The following ARID3A variants were observed in gnomAD, a reference collection of about 807,000 sequenced individuals.
ARID3A encodes AT-rich interaction domain 3A, also known as AT-rich interactive domain-containing protein 3A.
Under a neutral mutation model 52.7 loss-of-function variants are expected in ARID3A, and 11 were observed. That is an observed-to-expected ratio of 0.21 (90% CI 0.13 to 0.35). The LOEUF is 0.35. ARID3A is among the 10% of genes least tolerant of loss of function. The pLI is 1.00. For missense variants in ARID3A, 721 were observed against 838.5 expected, an observed-to-expected ratio of 0.86 and a Z score of 1.73; for synonymous variants, 404 against 359.4, an observed-to-expected ratio of 1.12 and a Z score of -1.40.
intron 1 of ARID3A, among the ~76,000 whole-genome samples, chr19:927,168 C>G (rs1235120253): frequency 6.6e-6 from 1 of 152,128 alleles, no homozygotes; most frequent in Non-Finnish European, 1.5e-5. Flanking sequence ...TGACCTCTCT[C>G]CGGAGGCCTG....
chr19:927,722 A>C (rs983731871), intron 1 of ARID3A, among the ~76,000 whole-genome samples: 25 of 150,950 alleles, frequency 1.7e-4, no homozygotes, highest in Non-Finnish European at 2.4e-4. Context: ...CAGCCTGGGG[A>C]TGGGGGGCTG....
rs573350921 is a variant in ARID3A at position 941,618 on chromosome 19, A to C, written c.693+8876A>C. ...TGGGGTGATGATCTCCTGTGTGTGC[A>C]TTTTTTTAACTATAAAGATGGGGTC... On this transcript the variant is annotated intron_variant, in intron 3 of 8. Transcript: ENST00000263620. This position sits in a 1 kb window ranked among gnomAD's most constrained non-coding sequence, Gnocchi z 6.9. Among the ~76,000 whole-genome samples the C allele has an allele frequency of 2.0e-5, 3 of 151,944 alleles. No individual in the cohort carries two copies. Among genetic ancestry groups the C allele is most frequent in the South Asian group, 2.1e-4 (1 of 4,794 alleles).
chr19:949,000 A>C (rs2037746426), intron 3 of ARID3A, among the ~76,000 whole-genome samples: 2 of 151,938 alleles, frequency 1.3e-5, no homozygotes, highest in African/African-American at 4.8e-5. Flanking sequence ...TACAGGCATG[A>C]GCCACCGCGC....
chr19:972,520 C>A lies in ARID3A; in HGVS notation c.*455C>A. ...GTTTTCATTTTTGTCTGCTTTAGTT[C>A]TCTTTTATTTTCTATTCACCACACA... On this transcript the variant is annotated 3_prime_UTR_variant, in exon 9 of 9. Coordinates refer to ENST00000263620, the MANE Select transcript of ARID3A (RefSeq NM_005224.3). The A allele has an allele frequency of 4.6e-6, 1 of 216,812 alleles. No individual in the cohort carries two copies. Among genetic ancestry groups the A allele is most frequent in the Non-Finnish European group, 9.3e-6 (1 of 107,532 alleles). 13.4% of individuals were successfully genotyped at this position (216,812 alleles called of 1,614,324 possible).
intron 7 of ARID3A, among the ~76,000 whole-genome samples, chr19:967,602 A>C (rs185571467): frequency 6.6e-6 from 1 of 152,162 alleles, no homozygotes; most frequent in Non-Finnish European, 1.5e-5. Flanking sequence ...GGACAAATAC[A>C]CTTATTCAAC....
Position 964,923 on chromosome 19 carries a change from G to C in ARID3A, c.1041G>C (p.Arg347=), listed in dbSNP as rs916883182. 12 of 1,613,978 alleles carry C rather than the reference G, an allele frequency of 7.4e-6. No individual in the cohort carries two copies. The highest frequency in any genetic ancestry group is 9.3e-6 in the Non-Finnish European group (11 of 1,180,026). Residue 347 remains arginine (R), a synonymous_variant, in exon 6 of 9, where the codon CGG becomes CGC. Coordinates refer to ENST00000263620, the MANE Select transcript of ARID3A (RefSeq NM_005224.3). The surrounding 1 kb of genome is among the most constrained non-coding windows in gnomAD (Gnocchi z 5.7). ...ELQAAIDSNR[R]EGRRQSFGGS... ...AGGCAGCCATAGACAGCAACCGACGGGAGGGCCGGCGCCAGAGCTTTGGTG... is the reference window on the plus strand; with the variant it reads ...AGGCAGCCATAGACAGCAACCGACGCGAGGGCCGGCGCCAGAGCTTTGGTG...
Position 959,064 on chromosome 19 carries a change from C to G in ARID3A, c.694-1028C>G, listed in dbSNP as rs2037985626. On this transcript the variant is annotated intron_variant, in intron 3 of 8. Coordinates refer to ENST00000263620, the MANE Select transcript of ARID3A (RefSeq NM_005224.3). The surrounding 1 kb of genome is among the most constrained non-coding windows in gnomAD (Gnocchi z 5.0). ...TGCCTGGGTGTGTGGGAGGCTCCAC[C>G]CGTGAGGTGTGTGTGACTCACTGTT... Among the ~76,000 whole-genome samples the G allele has an allele frequency of 6.6e-6, 1 of 152,150 alleles. No homozygotes were observed. The highest frequency in any genetic ancestry group is 1.9e-4 in the East Asian group (1 of 5,188).
intron 8 of ARID3A, among the ~76,000 whole-genome samples, chr19:969,937 C>G (rs969744023): frequency 6.6e-6 from 1 of 152,008 alleles, no homozygotes; most frequent in Non-Finnish European, 1.5e-5. Flanking sequence ...AGGTGATCCG[C>G]CTGCCTCGGC....
At position 941,872 on chromosome 19, in the gene ARID3A, G is replaced by A. The variant is rs1002220543; in HGVS notation, c.693+9130G>A. Among the ~76,000 whole-genome samples, 22 of 152,042 alleles carry A rather than the reference G, an allele frequency of 1.4e-4. No homozygotes were observed. The highest frequency in any genetic ancestry group is 7.2e-4 in the Admixed American group (11 of 15,270). On this transcript the variant is annotated intron_variant, in intron 3 of 8. Coordinates refer to ENST00000263620, the MANE Select transcript of ARID3A (RefSeq NM_005224.3). The surrounding 1 kb of genome is among the most constrained non-coding windows in gnomAD (Gnocchi z 6.9). ...GGCTGGAGAGTGTGTGTCCAAAAGC[G>A]TGCCTGCTTGGGCTCGCCACGTGTG... is the stretch of plus-strand genomic sequence containing the variant.
intron 6 of ARID3A, 114 bp downstream of exon 6, chr19:965,194 G>T (rs1362225441): frequency 7.8e-7 from 1 of 1,279,566 alleles, no homozygotes; most frequent in Non-Finnish European, 1.0e-6. Flanking sequence ...AAACCCTATA[G>T]TTGGCATGGA....
chr19:937,397 C>T (rs921701354), intron 3 of ARID3A, among the ~76,000 whole-genome samples: 6 of 152,194 alleles, frequency 3.9e-5, no homozygotes, highest in Non-Finnish European at 7.3e-5. Context: ...TTCCTTTTCA[C>T]GGCTGAGTCA....
intron 2 of ARID3A, among the ~76,000 whole-genome samples, chr19:931,737 C>T (rs1446652197): frequency 3.6e-4 from 53 of 146,774 alleles, no homozygotes; most frequent in African/African-American, 1.2e-3. Flanking sequence ...GGCATGAACC[C>T]GGGAGGCGGA....
intron 7 of ARID3A, among the ~76,000 whole-genome samples, chr19:968,026 CAG>C (rs1303392841): frequency 7.2e-6 from 1 of 138,052 alleles, no homozygotes; most frequent in Non-Finnish European, 1.5e-5. Flanking sequence ...GCCTGGGTGA[CAG>C]AGTGAGACTC....
intron 6 of ARID3A, 139 bp downstream of exon 6, chr19:965,219 C>T: frequency 1.0e-6 from 1 of 1,003,576 alleles, no homozygotes; most frequent in Non-Finnish European, 1.4e-6. Flanking sequence ...GGCTTCCAAT[C>T]TACCAGTCCT....
At chr19:954,679 T>C (rs2037877459) in intron 3 of ARID3A, among the ~76,000 whole-genome samples, 1 of 152,056 alleles carries the variant, frequency 6.6e-6, no homozygotes, top group African/African-American at 2.4e-5. Context: ...GAGCAGAGCA[T>C]CTGCGGAGGT....
rs559335883 is a variant in ARID3A, at chr19:972,056, G to A, written c.1773G>A (p.Ser591=). Residue 591 remains serine (S), a synonymous_variant, in exon 9 of 9, where the codon TCG becomes TCA. Transcript: ENST00000263620. ...STPSTSTSNN[S]LP is the part of the protein sequence containing the mutation. ...CCTCCACATCTACCTCAAATAACTCGTTGCCTTAACCGCATCACTCCCCAC... is the reference window on the plus strand; with the variant it reads ...CCTCCACATCTACCTCAAATAACTCATTGCCTTAACCGCATCACTCCCCAC... The A allele has an allele frequency of 5.9e-5, 91 of 1,555,160 alleles. 1 individual carries two copies. The South Asian group carries it at 8.2e-4, about 14-fold the overall frequency.
At position 939,559 on chromosome 19, in the gene ARID3A, C is replaced by T. The variant is rs143110823; in HGVS notation, c.693+6817C>T. ...CATGTTCTCCAGGCCTTTCTCTGCCCACTCACACCCAGGAATGTGACCTGG... is the reference window on the plus strand; with the variant it reads ...CATGTTCTCCAGGCCTTTCTCTGCCTACTCACACCCAGGAATGTGACCTGG... On this transcript the variant is annotated intron_variant, in intron 3 of 8. Coordinates refer to ENST00000263620, the MANE Select transcript of ARID3A (RefSeq NM_005224.3). Among the ~76,000 whole-genome samples the T allele has an allele frequency of 3.9e-3, 592 of 152,292 alleles. 5 individuals are homozygous for T. The highest frequency in any genetic ancestry group is 0.024 in the Middle Eastern group (7 of 294).
chr19:950,239 C>T (rs1455792467), intron 3 of ARID3A, among the ~76,000 whole-genome samples: 2 of 59,390 alleles, frequency 3.4e-5, no homozygotes, highest in South Asian at 8.7e-4. Flanking sequence ...CCAGAGGGAA[C>T]GGATGGATGA....
rs113035338 is a variant in ARID3A, at chr19:970,973, C to T, written c.1595-905C>T. Among the ~76,000 whole-genome samples, 524 of 152,212 alleles carry T rather than the reference C, an allele frequency of 3.4e-3. 5 individuals are homozygous for T. Among genetic ancestry groups the T allele is most frequent in the African/African-American group, 0.012 (509 of 41,488 alleles). Reference sequence around the variant, plus strand: ...TGCCCTCCGGAAATCAGATGTAAAACGTGTACATTCATATTGAATCTTACA... The same window carrying T: ...TGCCCTCCGGAAATCAGATGTAAAATGTGTACATTCATATTGAATCTTACA... On this transcript the variant is annotated intron_variant, in intron 8 of 8. Transcript: ENST00000263620.
Sources: gnomAD v4.1 joint callset for allele counts (sites outside exome capture counted in the v4.1 genomes callset) on GRCh38, gnomAD v4.1.1 for gene constraint, Gnocchi (gnomAD v3.1) non-coding constraint, MANE v1.5 for transcripts, NCBI Gene and HGNC (gene_info 2026-07-23, HGNC 2026-07-21) for gene names.